Variants in ADAM19 observed in about 807,000 individuals in gnomAD.
ADAM19 encodes the protein ADAM metallopeptidase domain 19.
Under a neutral mutation model 114.7 loss-of-function variants are expected in ADAM19, and 65 were observed. The observed-to-expected ratio is 0.57, with a 90% confidence interval of 0.46 to 0.70. The LOEUF is 0.70. Among genes scored for constraint, ADAM19 ranks in the 30% least tolerant of loss-of-function variants. ADAM19 has a pLI of 0.00. For missense variants in ADAM19, 1,063 were observed against 1,204.7 expected, an observed-to-expected ratio of 0.88 and a Z score of 1.74; for synonymous variants, 466 against 460.5, an observed-to-expected ratio of 1.01 and a Z score of -0.15.
chr5:157,532,092 C>G (rs1756640815), intron 4 of ADAM19, among the ~76,000 whole-genome samples: 1 of 152,228 alleles, frequency 6.6e-6, no homozygotes, highest in South Asian at 2.1e-4. Flanking sequence ...CCCTCCACAT[C>G]TGGATTGTAC....
rs967105733 is a variant in ADAM19 at position 157,478,834 on chromosome 5, G to T, written c.*2115C>A. 2.2e-5 allele frequency: 22 copies of T among 985,724 alleles called. No individual in the cohort carries two copies. Among genetic ancestry groups the T allele is most frequent in the Non-Finnish European group, 2.5e-5 (21 of 829,970 alleles). 61.1% of individuals were successfully genotyped at this position (985,724 alleles called of 1,614,324 possible). A position where few individuals can be genotyped will look rare whatever the true frequency, so the allele number is the denominator to read the frequency against. On this transcript the variant is annotated 3_prime_UTR_variant, in exon 23 of 23. Coordinates refer to ENST00000257527, the MANE Select transcript of ADAM19 (RefSeq NM_033274.5). ...TTCTGGTGTGGTTCCAGGGAGGGTG[G>T]ACTGCAGGTTCAGATGGCTCATGCA...
chr5:157,501,902 A>AG (rs1045104544), intron 12 of ADAM19, among the ~76,000 whole-genome samples: 2 of 151,840 alleles, frequency 1.3e-5, no homozygotes, highest in African/African-American at 4.8e-5. Flanking sequence ...TACAAAAAAA[A>AG]AAAAATTAAC....
chr5:157,563,586 C>T (rs1040854374), intron 3 of ADAM19, among the ~76,000 whole-genome samples: 4 of 152,114 alleles, frequency 2.6e-5, no homozygotes, highest in East Asian at 1.9e-4. Flanking sequence ...GCCTTATCTG[C>T]GACGTCTGTG....
intron 21 of ADAM19, among the ~76,000 whole-genome samples, chr5:157,482,793 CT>C (rs1457915285): frequency 6.6e-6 from 1 of 152,168 alleles, no homozygotes; most frequent in Admixed American, 6.5e-5. Context: ...ACAGCAAAGA[CT>C]TGGAACCAAC....
At chr5:157,481,595 T>C (rs1294200299) in intron 22 of ADAM19, 196 bp downstream of exon 22, 1 of 1,525,368 alleles carries the variant, frequency 6.6e-7, no homozygotes, top group Non-Finnish European at 8.8e-7. Context: ...ATTCTAAGAA[T>C]CACCTTTCAC....
intron 9 of ADAM19, among the ~76,000 whole-genome samples, chr5:157,508,235 T>A (rs1755807893): frequency 1.3e-5 from 2 of 152,274 alleles, no homozygotes; most frequent in Non-Finnish European, 2.9e-5. Flanking sequence ...TGGGGACAGT[T>A]ATTTTTCCCA....
intron 3 of ADAM19, 52 bp downstream of exon 3, chr5:157,564,321 G>A (rs375477250): frequency 8.3e-5 from 128 of 1,542,630 alleles, no homozygotes; most frequent in African/African-American, 2.0e-4. Flanking sequence ...TGCGTCCGGC[G>A]TTGACACAGA....
intron 8 of ADAM19, among the ~76,000 whole-genome samples, chr5:157,512,313 T>C (rs1263038363): frequency 6.6e-6 from 1 of 152,246 alleles, no homozygotes; most frequent in African/African-American, 2.4e-5. Context: ...CATTTGCCTA[T>C]TAATCCCTAA....
chr5:157,533,662 C>A (rs1256974277), intron 4 of ADAM19, among the ~76,000 whole-genome samples: 1 of 152,026 alleles, frequency 6.6e-6, no homozygotes, highest in Non-Finnish European at 1.5e-5. Flanking sequence ...AGTTTCAAAA[C>A]GCTGGTTAAC....
At position 157,575,746 on chromosome 5, in the gene ADAM19, T is replaced by A; in HGVS notation, c.-50A>T. 3 of 1,225,770 alleles carry A rather than the reference T, an allele frequency of 2.4e-6. No individual in the cohort carries two copies. Among genetic ancestry groups the A allele is most frequent in the Non-Finnish European group, 3.1e-6 (3 of 974,010 alleles). The allele number at this position is 1,225,770 out of a possible 1,614,324, so 75.9% of individuals were successfully genotyped here. On this transcript the variant is annotated 5_prime_UTR_variant, in exon 1 of 23. Coordinates refer to ENST00000257527, the MANE Select transcript of ADAM19 (RefSeq NM_033274.5). ...GCGCTCACACGCCCTCAGCCATACC[T>A]GCCCACTGCCCGGCGGTGGAGGCGC...
chr5:157,504,800 T>C (rs1755687439), intron 11 of ADAM19, among the ~76,000 whole-genome samples: 1 of 151,662 alleles, frequency 6.6e-6, no homozygotes, highest in Non-Finnish European at 1.5e-5. Flanking sequence ...AGAAACTCCC[T>C]AATTCTCTTC....
At chr5:157,486,080 A>G (rs1409794697) in intron 21 of ADAM19, among the ~76,000 whole-genome samples, 1 of 152,204 alleles carries the variant, frequency 6.6e-6, no homozygotes, top group Non-Finnish European at 1.5e-5. Flanking sequence ...CATGTCCCCC[A>G]GCTAGGAGGT....
chr5:157,485,761 T>A (rs535397636), intron 21 of ADAM19, among the ~76,000 whole-genome samples: 2 of 152,336 alleles, frequency 1.3e-5, no homozygotes, highest in South Asian at 2.1e-4. Context: ...CCTGGTTAAG[T>A]CCTGTTCCTC....
intron 2 of ADAM19, among the ~76,000 whole-genome samples, chr5:157,567,514 C>A (rs75278694): frequency 6.6e-6 from 1 of 152,172 alleles, no homozygotes; most frequent in Non-Finnish European, 1.5e-5. Flanking sequence ...AAAGACCACA[C>A]AGACCGGGCA....
rs115094376 is a variant in ADAM19 at position 157,545,700 on chromosome 5, C to G, written c.252-7709G>C. On this transcript the variant is annotated intron_variant, in intron 3 of 22. Transcript: ENST00000257527. ...CAAAAGCAACTTGCCCAGCATCACACAGTTTTTGTTTCTAAACCCATCATT... is the reference window on the plus strand; with the variant it reads ...CAAAAGCAACTTGCCCAGCATCACAGAGTTTTTGTTTCTAAACCCATCATT... Among the ~76,000 whole-genome samples the G allele has an allele frequency of 2.6e-5, 4 of 152,306 alleles. No individual in the cohort carries two copies. In the East Asian group the frequency reaches 5.8e-4, roughly 22 times the overall value.
intron 3 of ADAM19, among the ~76,000 whole-genome samples, chr5:157,551,734 A>T (rs1413236698): frequency 6.6e-6 from 1 of 152,110 alleles, no homozygotes; most frequent in Non-Finnish European, 1.5e-5. Flanking sequence ...AAAAAAAAAA[A>T]CTAATAATCC....
chr5:157,481,528 T>G, intron 22 of ADAM19: 1 of 1,309,970 alleles, frequency 7.6e-7, no homozygotes, highest in Admixed American at 2.5e-5. Flanking sequence ...AGGGACTTGC[T>G]CAGGGTCCCT....
At chr5:157,506,202 G>T (rs1217321452) in intron 10 of ADAM19, among the ~76,000 whole-genome samples, 1 of 152,150 alleles carries the variant, frequency 6.6e-6, no homozygotes, top group African/African-American at 2.4e-5. Context: ...ACTTGGCTTA[G>T]TGTTTCCTGA....
At chr5:157,521,658 C>G (rs1292309722) in intron 5 of ADAM19, among the ~76,000 whole-genome samples, 7 of 152,160 alleles carry the variant, frequency 4.6e-5, no homozygotes. Context: ...CGCAGCAGTA[C>G]CCAATCACCC....
Sources: allele counts gnomAD v4.1 joint callset (sites outside exome capture counted in the v4.1 genomes callset), GRCh38; gene constraint gnomAD v4.1.1; transcripts MANE v1.5; gene names NCBI Gene and HGNC (gene_info 2026-07-23, HGNC 2026-07-21).